FOXP1: variants seen among roughly 807,000 people sequenced by gnomAD.
FOXP1 encodes the protein forkhead box protein P1.
FOXP1 carries 15 observed loss-of-function variants against 98.2 expected under a neutral mutation model. That is an observed-to-expected ratio of 0.15 (90% CI 0.10 to 0.24). FOXP1 has a LOEUF of 0.24. Ranked by LOEUF, FOXP1 falls within the 10% of genes least tolerant of loss-of-function variation. FOXP1 has a pLI of 1.00. For missense variants in FOXP1, 633 were observed against 848.5 expected (o/e 0.75, Z 3.15); for synonymous variants, 371 against 314.5 (o/e 1.18, Z -1.90).
intron 6 of FOXP1, among the ~76,000 whole-genome samples, chr3:71,143,720 C>T (rs370957330): frequency 1.3e-5 from 2 of 152,016 alleles, no homozygotes; most frequent in Admixed American, 1.3e-4. Flanking sequence ...ATTGCAAGAC[C>T]CCATCTCTAC....
chr3:71,458,165 C>A (rs1392069254), intron 3 of FOXP1, among the ~76,000 whole-genome samples: 1 of 152,224 alleles, frequency 6.6e-6, no homozygotes, highest in Non-Finnish European at 1.5e-5. Flanking sequence ...TGGACCACAT[C>A]AAGCTATATA....
At chr3:71,452,532 ATG>A (rs2087051460) in intron 3 of FOXP1, among the ~76,000 whole-genome samples, 1 of 152,192 alleles carries the variant, frequency 6.6e-6, no homozygotes. Flanking sequence ...TCTGGGATAA[ATG>A]ATGAGATTCA....
chr3:71,117,736 T>C (rs2058474380), intron 6 of FOXP1, among the ~76,000 whole-genome samples: 1 of 152,192 alleles, frequency 6.6e-6, no homozygotes, highest in African/African-American at 2.4e-5. Flanking sequence ...TGGAGACCTT[T>C]TACTCTTGGG....
chr3:71,478,064 A>G (rs1165656589), intron 3 of FOXP1, among the ~76,000 whole-genome samples: 1 of 152,260 alleles, frequency 6.6e-6, no homozygotes, highest in Non-Finnish European at 1.5e-5. Flanking sequence ...AAAAGTTGGC[A>G]AAACATTCAT....
At chr3:71,268,319 T>C (rs1560213214) in intron 5 of FOXP1, among the ~76,000 whole-genome samples, 1 of 151,846 alleles carries the variant, frequency 6.6e-6, no homozygotes, top group Non-Finnish European at 1.5e-5. Flanking sequence ...ATTCTAAAAA[T>C]CAGATACAGT....
At chr3:71,267,712 G>A (rs949714618) in intron 5 of FOXP1, among the ~76,000 whole-genome samples, 1 of 152,126 alleles carries the variant, frequency 6.6e-6, no homozygotes, top group Admixed American at 6.5e-5. Flanking sequence ...AGGGTTAACA[G>A]ATTACTTAAA....
intron 4 of FOXP1, among the ~76,000 whole-genome samples, chr3:71,329,357 G>C (rs970226028): frequency 6.6e-5 from 10 of 151,944 alleles, no homozygotes; most frequent in Admixed American, 5.9e-4. Context: ...GAGTAGCTGG[G>C]ACTACAGGCA....
intron 6 of FOXP1, among the ~76,000 whole-genome samples, chr3:71,196,714 T>A (rs1198904971): frequency 1.3e-5 from 2 of 152,208 alleles, no homozygotes; most frequent in African/African-American, 4.8e-5. Flanking sequence ...GGAGACCCTT[T>A]TACTATCTAC....
At chr3:71,582,058 G>C (rs1299957028) in intron 1 of FOXP1, 12 of 983,944 alleles carry the variant, frequency 1.2e-5, no homozygotes, top group Non-Finnish European at 1.4e-5. Flanking sequence ...TTCTCACAGG[G>C]GGCGGGAGCT....
At chr3:70,963,741 C>T (rs1488415693) in intron 20 of FOXP1, among the ~76,000 whole-genome samples, 1 of 152,154 alleles carries the variant, frequency 6.6e-6, no homozygotes, top group Non-Finnish European at 1.5e-5. Context: ...GAGTATTTTG[C>T]TTTGTAGCTC....
chr3:71,346,256 T>C (rs541225703), intron 4 of FOXP1, among the ~76,000 whole-genome samples: 1 of 152,314 alleles, frequency 6.6e-6, no homozygotes, highest in Admixed American at 6.5e-5. Flanking sequence ...CCTGCAGATG[T>C]TGGAGTTGGT....
intron 3 of FOXP1, among the ~76,000 whole-genome samples, chr3:71,404,721 T>C (rs1398090511): frequency 1.3e-5 from 2 of 152,236 alleles, no homozygotes; most frequent in Non-Finnish European, 2.9e-5. Flanking sequence ...AAATTAATTG[T>C]ATACTTTCAC....
chr3:71,053,408 G>A (rs2050177294), intron 8 of FOXP1, among the ~76,000 whole-genome samples: 2 of 152,116 alleles, frequency 1.3e-5, no homozygotes, highest in South Asian at 2.1e-4. Flanking sequence ...TCAGTCCATC[G>A]GGTACTCTCC....
chr3:71,561,324 G>A (rs1448954549), intron 2 of FOXP1, among the ~76,000 whole-genome samples: 4 of 150,742 alleles, frequency 2.7e-5, no homozygotes, highest in Admixed American at 2.0e-4. Context: ...AGGATTATAG[G>A]CGTGAACTAC....
intron 2 of FOXP1, among the ~76,000 whole-genome samples, chr3:71,528,925 C>A (rs2043608066): frequency 6.6e-6 from 1 of 152,172 alleles, no homozygotes; most frequent in Non-Finnish European, 1.5e-5. Flanking sequence ...GAATAGCGAT[C>A]ATGAATGTTT....
At chr3:71,519,500 G>T (rs1232448581) in intron 2 of FOXP1, among the ~76,000 whole-genome samples, 1 of 152,102 alleles carries the variant, frequency 6.6e-6, no homozygotes, top group Non-Finnish European at 1.5e-5. Context: ...AGTATATTAG[G>T]ATTCTCTCAG....
chr3:71,304,285 GA>G (rs1448397099), intron 4 of FOXP1, among the ~76,000 whole-genome samples: 1 of 152,182 alleles, frequency 6.6e-6, no homozygotes, highest in Admixed American at 6.5e-5. Context: ...TACAGAAAAG[GA>G]AAACCCTGGC....
At chr3:71,471,943 A>G (rs1560532389) in intron 3 of FOXP1, among the ~76,000 whole-genome samples, 1 of 152,208 alleles carries the variant, frequency 6.6e-6, no homozygotes, top group Non-Finnish European at 1.5e-5. Context: ...AATTTGTTCT[A>G]CAGCCCTACT....
chr3:70,979,279 C>CAAAAAAAAAAAAAAAAAAAA (rs544916383), intron 14 of FOXP1, among the ~76,000 whole-genome samples: 5 of 42,562 alleles, frequency 1.2e-4, no homozygotes, highest in East Asian at 1.3e-3. Flanking sequence ...GACTCTACCT[C>CAAAAAAAAAAAAAAAAAAAA]AAAAAAAAAA....
Sources: allele counts gnomAD v4.1 joint callset (sites outside exome capture counted in the v4.1 genomes callset), GRCh38; gene constraint gnomAD v4.1.1; transcripts MANE v1.5; gene names NCBI Gene and HGNC (gene_info 2026-07-23, HGNC 2026-07-21).